The following CSNK1G1 variants were observed in gnomAD, a reference collection of about 807,000 sequenced individuals.
CSNK1G1 encodes the protein casein kinase 1 gamma 1.
Under a neutral mutation model 59.6 loss-of-function variants are expected in CSNK1G1, and 22 were observed. That is an observed-to-expected ratio of 0.37 (90% CI 0.26 to 0.53). The LOEUF is 0.53. CSNK1G1 is among the 20% of genes least tolerant of loss of function. The pLI, the probability that CSNK1G1 is intolerant of heterozygous loss-of-function variation, is 0.89. For missense variants in CSNK1G1, 384 were observed against 519.5 expected (o/e 0.74, Z 2.54); for synonymous variants, 179 against 177.1 (o/e 1.01, Z -0.08).
chr15:64,180,738 A>C (rs2081802671), intron 10 of CSNK1G1, among the ~76,000 whole-genome samples: 1 of 152,256 alleles, frequency 6.6e-6, no homozygotes, highest in Admixed American at 6.5e-5. Context: ...CTTATGAAAT[A>C]GGTTTTTTTA....
intron 4 of CSNK1G1, among the ~76,000 whole-genome samples, chr15:64,231,432 G>GAT (rs754861786): frequency 0.022 from 3,233 of 145,370 alleles, 102 homozygotes; most frequent in African/African-American, 0.069. Flanking sequence ...TATATATTAG[G>GAT]ATATATATAT....
chr15:64,229,902 A>ATTTTTTTTTTTTTTTTTTTTTTT lies in CSNK1G1; in HGVS notation c.293-13212_293-13190dup, dbSNP rs533868270. On this transcript the variant is annotated intron_variant, in intron 4 of 11. Coordinates refer to ENST00000303052, the MANE Select transcript of CSNK1G1 (RefSeq NM_022048.5). ...CCTATATTTTTGGGCATGTTTGTAA[A>ATTTTTTTTTTTTTTTTTTTTTTT]TTTTTTTTTTTTTTTTTTTTTTTTT... Among the ~76,000 whole-genome samples the ATTTTTTTTTTTTTTTTTTTTTTT allele has an allele frequency of 5.3e-4, 23 of 43,804 alleles. 4 individuals are homozygous for ATTTTTTTTTTTTTTTTTTTTTTT. Among genetic ancestry groups the ATTTTTTTTTTTTTTTTTTTTTTT allele is most frequent in the East Asian group, 2.1e-3 (2 of 934 alleles). The allele number at this position is 43,804 out of a possible 152,430, so 28.7% of individuals were successfully genotyped here.
chr15:64,185,777 G>A (rs534250789), intron 10 of CSNK1G1, among the ~76,000 whole-genome samples: 13 of 150,084 alleles, frequency 8.7e-5, no homozygotes, highest in Non-Finnish European at 1.5e-4. Flanking sequence ...CAGGAGAATC[G>A]CTTGAACCCG....
At position 64,214,212 on chromosome 15, in the gene CSNK1G1, T is replaced by C. The variant is rs948997752; in HGVS notation, c.445-88A>G. ...AGTTTCTTTAGCCAGACCAAGGTTT[T>C]AATTATTGAAATAACAGTAAAATTC... On this transcript the variant is annotated intron_variant, in intron 5 of 11. Coordinates refer to ENST00000303052, the MANE Select transcript of CSNK1G1 (RefSeq NM_022048.5). This position sits in a 1 kb window ranked among gnomAD's most constrained non-coding sequence, Gnocchi z 4.3. The C allele has an allele frequency of 7.3e-6, 7 of 954,110 alleles. No individual in the cohort carries two copies. In the African/African-American group the frequency reaches 1.1e-4, roughly 16 times the overall value. The allele number at this position is 954,110 out of a possible 1,614,324, so 59.1% of individuals were successfully genotyped here. A position where few individuals can be genotyped will look rare whatever the true frequency, so the allele number is the denominator to read the frequency against.
In CSNK1G1 at chr15:64,170,808, T is replaced by G. The variant is rs911073003; in HGVS notation, c.*1123A>C. ...AAGCATCTCCTTCTCTGGGATGAGC[T>G]GTTTCCTGGTCACAGTCTGGCTCGG... On this transcript the variant is annotated 3_prime_UTR_variant, in exon 12 of 12. Coordinates refer to ENST00000303052, the MANE Select transcript of CSNK1G1 (RefSeq NM_022048.5). 1 of 152,650 alleles carries G rather than the reference T, an allele frequency of 6.6e-6. No individual in the cohort carries two copies. Among genetic ancestry groups the G allele is most frequent in the Non-Finnish European group, 1.5e-5 (1 of 68,044 alleles). The allele number at this position is 152,650 out of a possible 1,614,324, so 9.5% of individuals were successfully genotyped here. A position where few individuals can be genotyped will look rare whatever the true frequency, so the allele number is the denominator to read the frequency against.
At chr15:64,301,368 C>CAAAA (rs5813288) in intron 1 of CSNK1G1, among the ~76,000 whole-genome samples, 2 of 142,312 alleles carry the variant, frequency 1.4e-5, no homozygotes, top group African/African-American at 2.6e-5. Context: ...GAAAATAAAG[C>CAAAA]AAAAAAAAAA....
chr15:64,180,696 A>G lies in CSNK1G1; in HGVS notation c.1108-242T>C, dbSNP rs60717877. Among the ~76,000 whole-genome samples the G allele has an allele frequency of 1.5e-4, 23 of 152,366 alleles. 1 individual carries two copies. In the East Asian group the frequency reaches 4.2e-3, roughly 28 times the overall value. Reference sequence around the variant, plus strand: ...TACTCCGTGTCTGACACTCTGCTACATTGTGTGTGTAAATCTAATCCTTAC... The same window carrying G: ...TACTCCGTGTCTGACACTCTGCTACGTTGTGTGTGTAAATCTAATCCTTAC... On this transcript the variant is annotated intron_variant, in intron 10 of 11. Coordinates refer to ENST00000303052, the MANE Select transcript of CSNK1G1 (RefSeq NM_022048.5).
At chr15:64,187,204 G>C (rs890650666) in intron 10 of CSNK1G1, among the ~76,000 whole-genome samples, 1 of 148,282 alleles carries the variant, frequency 6.7e-6, no homozygotes. Context: ...GGTTTTTTTT[G>C]GGGGGGATGG....
intron 1 of CSNK1G1, among the ~76,000 whole-genome samples, chr15:64,349,734 G>C (rs1405713684): frequency 6.6e-6 from 1 of 151,908 alleles, no homozygotes; most frequent in Non-Finnish European, 1.5e-5. Context: ...AGCAAGTTTG[G>C]TCTTTTACAG....
intron 10 of CSNK1G1, among the ~76,000 whole-genome samples, chr15:64,187,952 C>A (rs2081920381): frequency 6.6e-6 from 1 of 152,208 alleles, no homozygotes; most frequent in Non-Finnish European, 1.5e-5. Context: ...TACAAATTAA[C>A]ATTCTCAGCT....
chr15:64,292,405 A>C (rs1894793771), intron 2 of CSNK1G1, among the ~76,000 whole-genome samples: 1 of 152,220 alleles, frequency 6.6e-6, no homozygotes, highest in Non-Finnish European at 1.5e-5. Context: ...CTTTGTCAGA[A>C]GTATCCTGTG....
In CSNK1G1 at chr15:64,166,208, A is replaced by G; in HGVS notation, c.*5723T>C. ...TAAAAATCGCAATCAACATCCCAACATCTTTTTAAGAGTACAATGGGCAAA... is the reference window on the plus strand; with the variant it reads ...TAAAAATCGCAATCAACATCCCAACGTCTTTTTAAGAGTACAATGGGCAAA... On this transcript the variant is annotated 3_prime_UTR_variant, in exon 12 of 12. Transcript: ENST00000303052. The surrounding 1 kb of genome is among the most constrained non-coding windows in gnomAD (Gnocchi z 4.5). 2.2e-6 allele frequency: 1 copy of G among 451,676 alleles called. No individual in the cohort carries two copies. The allele number at this position is 451,676 out of a possible 1,614,324, so 28.0% of individuals were successfully genotyped here.
At chr15:64,221,557 G>C (rs930217535) in intron 4 of CSNK1G1, among the ~76,000 whole-genome samples, 3 of 151,820 alleles carry the variant, frequency 2.0e-5, no homozygotes, top group Admixed American at 6.6e-5. Flanking sequence ...CCACTGAGTG[G>C]TTTTGAAGCA....
At chr15:64,349,915 A>AT (rs1372652974) in intron 1 of CSNK1G1, among the ~76,000 whole-genome samples, 1 of 149,070 alleles carries the variant, frequency 6.7e-6, no homozygotes, top group Admixed American at 6.9e-5. Context: ...GTCTCCAAAA[A>AT]TTAAAAAAAA....
At chr15:64,243,004 A>G (rs1454015341) in intron 4 of CSNK1G1, among the ~76,000 whole-genome samples, 1 of 152,122 alleles carries the variant, frequency 6.6e-6, no homozygotes, top group Non-Finnish European at 1.5e-5. Flanking sequence ...AGACACAGAA[A>G]AGGCATTTGA....
intron 5 of CSNK1G1, among the ~76,000 whole-genome samples, chr15:64,215,413 T>C (rs910057425): frequency 2.0e-5 from 3 of 152,034 alleles, no homozygotes; most frequent in African/African-American, 4.8e-5. Context: ...GGGGTTTCAC[T>C]GCGTTAGCCA....
intron 4 of CSNK1G1, among the ~76,000 whole-genome samples, chr15:64,238,925 G>A (rs1356439236): frequency 2.0e-5 from 3 of 152,054 alleles, no homozygotes; most frequent in African/African-American, 7.2e-5. Context: ...GGGAAAATGA[G>A]AACAGGAGGA....
At chr15:64,177,930 G>C (rs2081760415) in intron 11 of CSNK1G1, among the ~76,000 whole-genome samples, 1 of 152,204 alleles carries the variant, frequency 6.6e-6, no homozygotes, top group Non-Finnish European at 1.5e-5. Context: ...TTGAGAATGG[G>C]GTGGGAGCTG....
chr15:64,231,272 G>A (rs2082544754), intron 4 of CSNK1G1, among the ~76,000 whole-genome samples: 1 of 149,350 alleles, frequency 6.7e-6, no homozygotes, highest in South Asian at 2.1e-4. Context: ...GCTGCAGTGA[G>A]CTGTGATGAC....
Sources: gnomAD v4.1 joint callset for allele counts (sites outside exome capture counted in the v4.1 genomes callset) on GRCh38, gnomAD v4.1.1 for gene constraint, Gnocchi (gnomAD v3.1) non-coding constraint, MANE v1.5 for transcripts, NCBI Gene and HGNC (gene_info 2026-07-23, HGNC 2026-07-21) for gene names.